Variants in RNF150 observed in about 807,000 individuals in gnomAD.
RNF150 encodes ring finger protein 150.
Under a neutral mutation model 39.3 loss-of-function variants are expected in RNF150, and 24 were observed. The ratio of observed to expected loss-of-function variants is 0.61; its 90% confidence interval spans 0.44 to 0.86. RNF150 has a LOEUF of 0.86. Among genes scored for constraint, RNF150 ranks in the 40% least tolerant of loss-of-function variants. The pLI is 0.00. For synonymous variants in RNF150, 255 were observed against 227.3 expected, an observed-to-expected ratio of 1.12 and a Z score of -1.10; for missense variants, 502 against 587.8, an observed-to-expected ratio of 0.85 and a Z score of 1.51.
At chr4:140,946,718 C>A (rs1732328228) in intron 4 of RNF150, among the ~76,000 whole-genome samples, 1 of 152,072 alleles carries the variant, frequency 6.6e-6, no homozygotes, top group Admixed American at 6.6e-5. Context: ...ATTGCCCAGG[C>A]TGTTCTTGAA....
rs35057370 is a variant in RNF150, at chr4:140,860,745, A to AT, written c.*7515dup. ...ATAATTGTAAATTCATTATTTGCAG[A>AT]TTTTTTTCTAGTGGGAAATAATATG... On this transcript the variant is annotated 3_prime_UTR_variant, in exon 7 of 7. Coordinates refer to ENST00000515673, the MANE Select transcript of RNF150 (RefSeq NM_020724.2). The AT allele has an allele frequency of 6.6e-5, 10 of 152,124 alleles. No individual in the cohort carries two copies. Among genetic ancestry groups the AT allele is most frequent in the Non-Finnish European group, 1.2e-4 (8 of 68,024 alleles). 9.4% of individuals were successfully genotyped at this position (152,124 alleles called of 1,614,324 possible). A position where few individuals can be genotyped will look rare whatever the true frequency, so the allele number is the denominator to read the frequency against.
intron 4 of RNF150, among the ~76,000 whole-genome samples, chr4:140,931,302 A>G (rs1381603809): frequency 3.4e-5 from 1 of 29,598 alleles, no homozygotes; most frequent in African/African-American, 6.2e-5. Flanking sequence ...TCAGAGGGAG[A>G]ACTAAGGGCA....
chr4:141,178,947 T>C (rs552163315), intron 1 of RNF150, among the ~76,000 whole-genome samples: 139 of 152,194 alleles, frequency 9.1e-4, no homozygotes, highest in African/African-American at 3.2e-3. Context: ...CTAAGCTCAA[T>C]GTGACTTTCT....
chr4:140,911,104 G>T, intron 6 of RNF150, 40 bp downstream of exon 6: 1 of 1,523,106 alleles, frequency 6.6e-7, no homozygotes, highest in Non-Finnish European at 9.1e-7. Flanking sequence ...CAAGGCAACA[G>T]TCCTTCTGGC....
At chr4:140,882,140 C>T (rs1479278633) in intron 6 of RNF150, among the ~76,000 whole-genome samples, 1 of 151,774 alleles carries the variant, frequency 6.6e-6, no homozygotes, top group Non-Finnish European at 1.5e-5. Flanking sequence ...CTGCCTCAGC[C>T]TCCTGAGTAG....
At chr4:141,074,811 C>G (rs1737837313) in intron 1 of RNF150, among the ~76,000 whole-genome samples, 1 of 152,178 alleles carries the variant, frequency 6.6e-6, no homozygotes, top group African/African-American at 2.4e-5. Flanking sequence ...GATCTGAGAG[C>G]AAACTAGCAT....
chr4:140,970,501 T>A (rs1733424126), intron 1 of RNF150, among the ~76,000 whole-genome samples: 1 of 140,366 alleles, frequency 7.1e-6, no homozygotes, highest in African/African-American at 2.6e-5. Context: ...CTAAATTACT[T>A]ATACTTAAGA....
intron 1 of RNF150, among the ~76,000 whole-genome samples, chr4:141,143,211 C>G (rs1362636920): frequency 6.6e-6 from 1 of 152,110 alleles, no homozygotes; most frequent in Non-Finnish European, 1.5e-5. Context: ...AATTTATTTT[C>G]TTTGAGCCCC....
chr4:141,188,559 T>C (rs2111198618), intron 1 of RNF150, among the ~76,000 whole-genome samples: 1 of 152,328 alleles, frequency 6.6e-6, no homozygotes, highest in African/African-American at 2.4e-5. Flanking sequence ...TTCAGTCTTT[T>C]TTCTCTAATC....
intron 1 of RNF150, among the ~76,000 whole-genome samples, chr4:141,206,071 T>C (rs1728369991): frequency 1.3e-5 from 2 of 152,154 alleles, no homozygotes; most frequent in Non-Finnish European, 2.9e-5. Context: ...TTTGCTGTCG[T>C]TGCTCTCTTT....
chr4:141,020,973 A>T (rs1208240066), intron 1 of RNF150, among the ~76,000 whole-genome samples: 1 of 152,206 alleles, frequency 6.6e-6, no homozygotes, highest in Non-Finnish European at 1.5e-5. Flanking sequence ...CTACTGCAAT[A>T]GAGGAAAGGA....
chr4:141,198,082 A>G (rs927595357), intron 1 of RNF150, among the ~76,000 whole-genome samples: 6 of 146,772 alleles, frequency 4.1e-5, no homozygotes, highest in African/African-American at 1.5e-4. Context: ...GCTGGAGAGC[A>G]GTGGTGCAAT....
intron 6 of RNF150, among the ~76,000 whole-genome samples, chr4:140,907,368 C>T (rs1730420711): frequency 6.6e-6 from 1 of 152,176 alleles, no homozygotes; most frequent in Non-Finnish European, 1.5e-5. Flanking sequence ...TAATGTCAGA[C>T]TTGCAACAAG....
chr4:141,189,502 G>C (rs1266421007), intron 1 of RNF150, among the ~76,000 whole-genome samples: 1 of 152,166 alleles, frequency 6.6e-6, no homozygotes, highest in Non-Finnish European at 1.5e-5. Flanking sequence ...GCCCACAGCT[G>C]CCCCTTCCCC....
At chr4:140,878,290 C>A (rs147856242) in intron 6 of RNF150, among the ~76,000 whole-genome samples, 1,617 of 151,084 alleles carry the variant, frequency 0.011, 34 homozygotes, top group African/African-American at 0.037. Context: ...TGTGCCTCAG[C>A]CTCCTGAGTA....
At chr4:141,093,066 G>T (rs530709129) in intron 1 of RNF150, among the ~76,000 whole-genome samples, 17 of 152,170 alleles carry the variant, frequency 1.1e-4, no homozygotes, top group African/African-American at 4.1e-4. Context: ...AGGATAGGAG[G>T]ATAAAAAAGG....
intron 1 of RNF150, among the ~76,000 whole-genome samples, chr4:140,994,383 G>A (rs1336081174): frequency 6.6e-6 from 1 of 152,204 alleles, no homozygotes; most frequent in Non-Finnish European, 1.5e-5. Context: ...CTGACCATGA[G>A]CACAGGTTGA....
intron 1 of RNF150, among the ~76,000 whole-genome samples, chr4:141,030,860 T>C (rs950723616): frequency 1.3e-5 from 2 of 152,084 alleles, no homozygotes; most frequent in African/African-American, 2.4e-5. Flanking sequence ...TTTTGCAAGA[T>C]AAAAAAGCTC....
chr4:140,993,251 C>T (rs1734257824), intron 1 of RNF150, among the ~76,000 whole-genome samples: 1 of 152,192 alleles, frequency 6.6e-6, no homozygotes, highest in South Asian at 2.1e-4. Context: ...GCTTTTCCGG[C>T]TTCTAGAAAT....
Sources: gnomAD v4.1 joint callset for allele counts (sites outside exome capture counted in the v4.1 genomes callset) on GRCh38, gnomAD v4.1.1 for gene constraint, MANE v1.5 for transcripts, NCBI Gene and HGNC (gene_info 2026-07-23, HGNC 2026-07-21) for gene names.